Variants in ACVR2A observed in about 807,000 individuals in gnomAD.
ACVR2A encodes activin receptor type-2A.
A neutral mutation model predicts 61.4 loss-of-function variants in ACVR2A; 7 were observed. The ratio of observed to expected loss-of-function variants is 0.11; its 90% CI spans 0.06 to 0.21. The LOEUF is 0.21. ACVR2A is among the 10% of genes least tolerant of loss of function. The pLI, the probability that ACVR2A is intolerant of heterozygous loss-of-function variation, is 1.00. For missense variants in ACVR2A, 322 were observed against 621.7 expected, an observed-to-expected ratio of 0.52 and a Z score of 5.13; for synonymous variants, 193 against 208.3, an observed-to-expected ratio of 0.93 and a Z score of 0.63.
intron 4 of ACVR2A, among the ~76,000 whole-genome samples, chr2:147,910,918 C>T (rs558904686): frequency 3.1e-4 from 47 of 152,164 alleles, no homozygotes; most frequent in African/African-American, 1.1e-3. Context: ...TAGTTTCTTG[C>T]CATGGTGTAT....
At chr2:147,845,259 C>A in intron 1 of ACVR2A, 52 bp downstream of exon 1, 1 of 1,568,736 alleles carries the variant, frequency 6.4e-7, no homozygotes, top group Non-Finnish European at 8.7e-7. Context: ...CCGCGGCGGC[C>A]GCTGCTGGGG....
At chr2:147,916,370 A>C (rs1022797597) in intron 5 of ACVR2A, among the ~76,000 whole-genome samples, 23 of 152,124 alleles carry the variant, frequency 1.5e-4, no homozygotes, top group African/African-American at 5.5e-4. Flanking sequence ...CGACAACAGC[A>C]ACAACAGTAG....
chr2:147,863,831 T>C (rs1194507541), intron 1 of ACVR2A, among the ~76,000 whole-genome samples: 2 of 152,198 alleles, frequency 1.3e-5, no homozygotes, highest in Non-Finnish European at 2.9e-5. Flanking sequence ...TTTGGTTATA[T>C]AGTGAGCCAG....
intron 10 of ACVR2A, 68 bp downstream of exon 10, chr2:147,926,229 C>T: frequency 3.3e-6 from 5 of 1,536,220 alleles, no homozygotes; most frequent in Non-Finnish European, 4.4e-6. Flanking sequence ...TTATTTATCT[C>T]TGCACATTTC....
rs1352764340 is a variant in ACVR2A at position 147,927,091 on chromosome 2, G to A, written c.1359G>A (p.Met453Ile). ...DYWQKHAGMA[M>I]LCETIEECWD... ...TTTTCTCCTTTTAGGGAATGGCAAT[G>A]CTCTGTGAAACCATTGAAGAATGTT... Residue 453 changes from methionine (M) to isoleucine (I), a missense_variant, in exon 11 of 11, where the codon ATG becomes ATA. Met to Ile is a conservative substitution (Grantham distance 10, BLOSUM62 1). Coordinates refer to ENST00000241416, the MANE Select transcript of ACVR2A (RefSeq NM_001616.5). The A allele has an allele frequency of 6.2e-7, 1 of 1,611,530 alleles. No individual in the cohort carries two copies. The highest frequency in any genetic ancestry group is 2.2e-5 in the East Asian group (1 of 44,760).
At chr2:147,877,320 A>G (rs1044976003) in intron 1 of ACVR2A, 3 of 152,172 alleles carry the variant, frequency 2.0e-5, no homozygotes, top group African/African-American at 7.2e-5. Context: ...ATGGATGTAA[A>G]CATTTCTCTG....
chr2:147,898,185 A>C (rs965877410), intron 2 of ACVR2A: 3 of 152,162 alleles, frequency 2.0e-5, no homozygotes, highest in African/African-American at 7.2e-5. Flanking sequence ...GTTAAATGCT[A>C]ATTTTAAACT....
intron 6 of ACVR2A, among the ~76,000 whole-genome samples, chr2:147,918,093 G>C (rs576600728): frequency 6.6e-6 from 1 of 150,618 alleles, no homozygotes; most frequent in East Asian, 2.0e-4. Flanking sequence ...CTAGTCCCAT[G>C]ATATAACAAC....
chr2:147,859,616 T>C (rs999875639), intron 1 of ACVR2A, among the ~76,000 whole-genome samples: 4 of 152,138 alleles, frequency 2.6e-5, no homozygotes, highest in African/African-American at 9.7e-5. Flanking sequence ...AAAAATGTGC[T>C]ATGTGGTCAG....
At chr2:147,902,942 T>TG (rs1686905060) in intron 4 of ACVR2A, 1 of 152,020 alleles carries the variant, frequency 6.6e-6, no homozygotes, top group African/African-American at 2.4e-5. Context: ...TTTGTCATTC[T>TG]TTTTCTTAGG....
chr2:147,869,607 A>G (rs1489653004), intron 1 of ACVR2A, among the ~76,000 whole-genome samples: 2 of 152,238 alleles, frequency 1.3e-5, no homozygotes, highest in Non-Finnish European at 2.9e-5. Flanking sequence ...GCCTATGCTT[A>G]TGCTCTAGTT....
rs1686828110 is a variant in ACVR2A, at chr2:147,899,774, C to A, written c.404C>A (p.Pro135His). 6.2e-7 allele frequency: 1 copy of A among 1,613,500 alleles called. No individual in the cohort carries two copies. The highest frequency in any genetic ancestry group is 1.3e-5 in the African/African-American group (1 of 74,880). The change falls in exon 4 of 11, where the codon CCC becomes CAC. Residue 135 changes from proline (P) to histidine (H), a missense_variant. Around this residue, in one of 3 missense-constraint regions of ACVR2A, gnomAD observed 142 missense variants for 200.3 expected, o/e 0.71. Transcript: ENST00000241416. The stretch of plus-strand genomic sequence containing the variant: ...TCAAATCCAGTTACACCTAAGCCAC[C>A]CTATTACAACATCCTGCTCTATTCC... ...PTSNPVTPKP[P>H]YYNILLYSLV...
intron 1 of ACVR2A, among the ~76,000 whole-genome samples, chr2:147,893,743 G>T (rs1312271749): frequency 6.6e-6 from 1 of 152,054 alleles, no homozygotes; most frequent in Non-Finnish European, 1.5e-5. Context: ...TCCTATGATT[G>T]ACTTGTAAGA....
intron 1 of ACVR2A, among the ~76,000 whole-genome samples, chr2:147,894,504 G>A (rs1261656361): frequency 6.6e-6 from 1 of 151,688 alleles, no homozygotes; most frequent in Admixed American, 6.6e-5. Context: ...GAATACTTTT[G>A]TAATATCACA....
At chr2:147,922,553 A>T (rs1204624370) in intron 8 of ACVR2A, among the ~76,000 whole-genome samples, 3 of 152,290 alleles carry the variant, frequency 2.0e-5, no homozygotes, top group Non-Finnish European at 4.4e-5. Context: ...TTGTACAGAT[A>T]GAACTTTTTA....
chr2:147,864,396 A>AT (rs938660460), intron 1 of ACVR2A, among the ~76,000 whole-genome samples: 7 of 151,788 alleles, frequency 4.6e-5, no homozygotes, highest in Admixed American at 2.0e-4. Context: ...CGCCCCGCTA[A>AT]TTTTTTTTGT....
chr2:147,910,733 A>T (rs1025482722), intron 4 of ACVR2A, among the ~76,000 whole-genome samples: 1 of 152,090 alleles, frequency 6.6e-6, no homozygotes, highest in Non-Finnish European at 1.5e-5. Context: ...GACTGGAAAA[A>T]TGAAAATCCT....
At chr2:147,918,928 T>C (rs533962622) in intron 7 of ACVR2A, among the ~76,000 whole-genome samples, 1 of 152,228 alleles carries the variant, frequency 6.6e-6, no homozygotes, top group East Asian at 1.9e-4. Flanking sequence ...CAAGGGCATG[T>C]AATGAAGGAG....
intron 1 of ACVR2A, among the ~76,000 whole-genome samples, chr2:147,874,890 G>A (rs755621181): frequency 2.3e-4 from 35 of 151,962 alleles, no homozygotes; most frequent in Non-Finnish European, 4.3e-4. Flanking sequence ...GACTCCTGTA[G>A]ATTGTAACAT....
Sources: gnomAD v4.1 joint callset for allele counts (sites outside exome capture counted in the v4.1 genomes callset) on GRCh38, gnomAD v4.1.1 for gene constraint, gnomAD v4.1.1 regional missense constraint, MANE v1.5 for transcripts, NCBI Gene and HGNC (gene_info 2026-07-23, HGNC 2026-07-21) for gene names.